MYBPC2: variants seen among roughly 807,000 people sequenced by gnomAD.
MYBPC2 encodes myosin-binding protein C, fast-type.
In MYBPC2, 122 loss-of-function variants were observed where a neutral mutation model predicts 137.0. That is an observed-to-expected ratio of 0.89 (90% CI 0.77 to 1.03). The LOEUF is 1.03. Ranked by LOEUF, MYBPC2 falls within the 50% of genes least tolerant of loss-of-function variation. The pLI, the probability that MYBPC2 is intolerant of heterozygous loss-of-function variation, is 0.00. For missense variants in MYBPC2, 1,500 were observed against 1,534.4 expected, an observed-to-expected ratio of 0.98 and a Z score of 0.37; for synonymous variants, 626 against 612.3, an observed-to-expected ratio of 1.02 and a Z score of -0.33.
chr19:50,454,152 G>C lies in MYBPC2; in HGVS notation c.1882G>C (p.Val628Leu), dbSNP rs747936523. Residue 628 changes from valine (V) to leucine (L), a missense_variant, in exon 17 of 28, where the codon GTG becomes CTG. Physicochemically the swap from Val to Leu is conservative, Grantham distance 32. Coordinates refer to ENST00000357701, the MANE Select transcript of MYBPC2 (RefSeq NM_004533.4). Reference sequence around the variant, plus strand: ...GGTCACCAACCCCGTCGGCGAGGACGTGGCTTCCATCTTCCTGCAAGTTGT... The same window carrying C: ...GGTCACCAACCCCGTCGGCGAGGACCTGGCTTCCATCTTCCTGCAAGTTGT... The part of the protein sequence containing the change: ...IKVTNPVGED[V>L]ASIFLQVVDV... 23 of 1,613,682 alleles carry C rather than the reference G, an allele frequency of 1.4e-5. No homozygotes were observed. The highest frequency in any genetic ancestry group is 1.9e-5 in the Non-Finnish European group (22 of 1,179,834).
In MYBPC2 at chr19:50,440,862, C is replaced by T. The variant is rs749152836; in HGVS notation, c.573-18C>T. On this transcript the variant is annotated intron_variant, in intron 7 of 27. Coordinates refer to ENST00000357701, the MANE Select transcript of MYBPC2 (RefSeq NM_004533.4). ...TCCTCACTCCCTGATGGCCCCTGTC[C>T]GTTCCCCCACCCGCCAGGGAGGTGG... The T allele has an allele frequency of 2.5e-6, 4 of 1,605,070 alleles. No individual in the cohort carries two copies. The highest frequency in any genetic ancestry group is 1.1e-5 in the South Asian group (1 of 89,910).
At position 50,440,939 on chromosome 19, in the gene MYBPC2, C is replaced by T; in HGVS notation, c.632C>T (p.Pro211Leu). 3 of 1,613,820 alleles carry T rather than the reference C, an allele frequency of 1.9e-6. No homozygotes were observed. The highest frequency in any genetic ancestry group is 2.5e-6 in the Non-Finnish European group (3 of 1,179,822). ...KKKDDDDLGIPPEIWELLKGA... is the reference protein window; with the variant it reads ...KKKDDDDLGILPEIWELLKGA... ...AAAGATGACGATGACCTAGGCATCC[C>T]CCCGGAGATTTGGGAGCTCCTGAAA... is the stretch of plus-strand genomic sequence containing the variant. The change falls in exon 8 of 28, where the codon CCC becomes CTC. Residue 211 changes from proline (P) to leucine (L), a missense_variant. Transcript: ENST00000357701.
Position 50,465,968 on chromosome 19 carries a change from TGACC to T in MYBPC2, c.3416-225_3416-222del, listed in dbSNP as rs1245465043. The stretch of plus-strand genomic sequence containing the variant: ...AAAAATCCCAGCCTCAGGATTCCAG[TGACC>T]GCGTACAGCCAGCAGCTCAGAATGT... On this transcript the variant is annotated intron_variant, in intron 27 of 27. Transcript: ENST00000357701. This position sits in a 1 kb window ranked among gnomAD's most constrained non-coding sequence, Gnocchi z 4.5. Among the ~76,000 whole-genome samples, 1 of 152,182 alleles carries T rather than the reference TGACC, an allele frequency of 6.6e-6. No homozygotes were observed. The highest frequency in any genetic ancestry group is 1.5e-5 in the Non-Finnish European group (1 of 68,032).
In MYBPC2 at chr19:50,443,713, C is replaced by A. The variant is rs1370541216; in HGVS notation, c.1030C>A (p.Pro344Thr). ...KCFTELFVKEPPVLIVTPLED... is the reference protein window; with the variant it reads ...KCFTELFVKETPVLIVTPLED... ...CCTCCTGTCCCCCTGCCCCACAGAA[C>A]CTCCAGTCCTAATTGTCACACCTCT... is the stretch of plus-strand genomic sequence containing the variant. Residue 344 changes from proline (P) to threonine (T), a missense_variant and splice_region_variant, in exon 11 of 28, where the codon CCT becomes ACT. Physicochemically the swap from Pro to Thr is conservative, Grantham distance 38. Coordinates refer to ENST00000357701, the MANE Select transcript of MYBPC2 (RefSeq NM_004533.4). The A allele has an allele frequency of 6.2e-6, 10 of 1,613,194 alleles. No individual in the cohort carries two copies. The highest frequency in any genetic ancestry group is 8.5e-6 in the Non-Finnish European group (10 of 1,179,366).
chr19:50,462,554 C>T (rs980644298), intron 26 of MYBPC2, among the ~76,000 whole-genome samples: 8 of 152,000 alleles, frequency 5.3e-5, no homozygotes, highest in Non-Finnish European at 1.2e-4. Flanking sequence ...GACAATCAAT[C>T]ACATCTTGCC....
chr19:50,445,487 G>A (rs535294717), intron 11 of MYBPC2, among the ~76,000 whole-genome samples: 23 of 151,542 alleles, frequency 1.5e-4, no homozygotes, highest in Non-Finnish European at 2.7e-4. Context: ...CTGCCTCCCG[G>A]ATTCAAGCAA....
Position 50,458,658 on chromosome 19 carries a change from G to A in MYBPC2, c.2410G>A (p.Gly804Arg), listed in dbSNP as rs748132859. The change falls in exon 21 of 28, where the codon GGA (glycine) becomes AGA (arginine). Residue 804 changes from glycine to arginine, a missense_variant. Gly to Arg is a moderately radical substitution (Grantham distance 125). Transcript: ENST00000357701. ...CTTCACCGTCAAGAATCTCCCGACC[G>A]GAGCCAGAATCCTCTTCCGAGTAGT... ...CGFTVKNLPT[G>R]ARILFRVVGV... The A allele has an allele frequency of 7.4e-6, 12 of 1,612,728 alleles. No homozygotes were observed. The highest frequency in any genetic ancestry group is 2.2e-5 in the South Asian group (2 of 91,078).
chr19:50,462,761 G>A (rs373450025), intron 26 of MYBPC2, among the ~76,000 whole-genome samples: 1 of 151,452 alleles, frequency 6.6e-6, no homozygotes, highest in African/African-American at 2.4e-5. Context: ...ATTTTTAGTA[G>A]AGACGGCGTT....
In MYBPC2 at chr19:50,455,308, C is replaced by T. The variant is rs755810446; in HGVS notation, c.2203+12C>T. 2.8e-5 allele frequency: 45 copies of T among 1,611,014 alleles called. 1 individual carries two copies. In the South Asian group the frequency reaches 4.8e-4, roughly 17 times the overall value. ...TTTTATGCCTATTGGTAATGTCCTC[C>T]CTCACTTTTATGCCTATTGGTAATG... On this transcript the variant is annotated intron_variant, in intron 19 of 27. Transcript: ENST00000357701.
chr19:50,437,133 T>G (rs2039711057), intron 5 of MYBPC2, among the ~76,000 whole-genome samples: 1 of 151,976 alleles, frequency 6.6e-6, no homozygotes, highest in African/African-American at 2.4e-5. Flanking sequence ...TATGGGCCCC[T>G]GAGGGTGTAT....
At chr19:50,440,676 ACC>A (rs750624095) in intron 7 of MYBPC2, among the ~76,000 whole-genome samples, 27,845 of 140,568 alleles carry the variant, frequency 0.2, 3,188 homozygotes, top group Non-Finnish European at 0.24. Flanking sequence ...AAAAAAAAAA[ACC>A]AAAAAACCCA....
Position 50,460,804 on chromosome 19 carries a change from T to TC in MYBPC2, c.2931+632dup, listed in dbSNP as rs527414596. ...TTCTCTGCCTCTGAGCTCAGGTGAT[T>TC]CCCCCCCATCTCAGCCTCCCATGTA... On this transcript the variant is annotated intron_variant, in intron 24 of 27. Coordinates refer to ENST00000357701, the MANE Select transcript of MYBPC2 (RefSeq NM_004533.4). Among the ~76,000 whole-genome samples, 39 of 151,392 alleles carry TC rather than the reference T, an allele frequency of 2.6e-4. 1 individual carries two copies. The highest frequency in any genetic ancestry group is 6.6e-4 in the Admixed American group (10 of 15,150).
intron 1 of MYBPC2, among the ~76,000 whole-genome samples, chr19:50,433,405 G>T (rs1198918543): frequency 5.9e-5 from 7 of 118,678 alleles, no homozygotes; most frequent in Non-Finnish European, 1.0e-4. Context: ...TTGTTTTTTG[G>T]TTTTTGGTTT....
At chr19:50,442,924 C>T (rs1184494147) in intron 9 of MYBPC2, among the ~76,000 whole-genome samples, 1 of 151,408 alleles carries the variant, frequency 6.6e-6, no homozygotes, top group East Asian at 2.0e-4. Flanking sequence ...ATGACAGGAG[C>T]GCCCCAACAC....
intron 12 of MYBPC2, among the ~76,000 whole-genome samples, chr19:50,447,545 A>G (rs1296975155): frequency 6.6e-6 from 1 of 152,064 alleles, no homozygotes. Context: ...CCTAGGCAAC[A>G]TGGCAAGACC....
chr19:50,458,941 C>T lies in MYBPC2; in HGVS notation c.2530C>T (p.Arg844Cys), dbSNP rs202035202. The part of the protein sequence containing the change: ...IAEPPKIRLP[R>C]HLRQTYIRKV... Reference sequence around the variant, plus strand: ...AGAGCCACCCAAGATCCGGCTTCCCCGCCATCTCCGCCAGACCTACATCCG... The same window carrying T: ...AGAGCCACCCAAGATCCGGCTTCCCTGCCATCTCCGCCAGACCTACATCCG... The change falls in exon 22 of 28, where the codon CGC (arginine) becomes TGC (cysteine). Residue 844 changes from arginine to cysteine, a missense_variant. Coordinates refer to ENST00000357701, the MANE Select transcript of MYBPC2 (RefSeq NM_004533.4). 1.9e-4 allele frequency: 308 copies of T among 1,612,366 alleles called. No individual in the cohort carries two copies. The highest frequency in any genetic ancestry group is 2.3e-4 in the Non-Finnish European group (273 of 1,179,504).
Position 50,435,266 on chromosome 19 carries a change from C to A in MYBPC2, c.109+16C>A. ...GCCCCCAAAGGTGAGGAGGTGCTCC[C>A]TCGGGCTCAACCGACCTGGCTTCTC... On this transcript the variant is annotated intron_variant, in intron 2 of 27. Coordinates refer to ENST00000357701, the MANE Select transcript of MYBPC2 (RefSeq NM_004533.4). This position sits in a 1 kb window ranked among gnomAD's most constrained non-coding sequence, Gnocchi z 4.8. 9.3e-7 allele frequency: 1 copy of A among 1,078,096 alleles called. No homozygotes were observed. The highest frequency in any genetic ancestry group is 2.5e-5 in the East Asian group (1 of 39,968). 66.8% of individuals were successfully genotyped at this position (1,078,096 alleles called of 1,614,324 possible). A position where few individuals can be genotyped will look rare whatever the true frequency, so the allele number is the denominator to read the frequency against.
intron 24 of MYBPC2, 73 bp from the exon 25 acceptor site, chr19:50,461,469 C>G: frequency 1.4e-6 from 2 of 1,456,804 alleles, no homozygotes; most frequent in South Asian, 1.2e-5. Flanking sequence ...CCCCTTCTTT[C>G]GTCTGTGTCT....
chr19:50,453,760 A>C (rs2122604706), intron 16 of MYBPC2, among the ~76,000 whole-genome samples: 1 of 151,918 alleles, frequency 6.6e-6, no homozygotes, highest in Non-Finnish European at 1.5e-5. Flanking sequence ...GGCTGGTCGC[A>C]AACTCCCAAC....
Sources: allele counts gnomAD v4.1 joint callset (sites outside exome capture counted in the v4.1 genomes callset), GRCh38; gene constraint gnomAD v4.1.1; non-coding constraint Gnocchi (gnomAD v3.1); transcripts MANE v1.5; gene names NCBI Gene and HGNC (gene_info 2026-07-23, HGNC 2026-07-21).